Variants in MYO5B observed in about 807,000 individuals in gnomAD.
MYO5B encodes myosin VB.
Under a neutral mutation model 229.3 loss-of-function variants are expected in MYO5B, and 143 were observed. The ratio of observed to expected loss-of-function variants is 0.62; its 90% CI spans 0.54 to 0.72. MYO5B has a LOEUF of 0.72. Among genes scored for constraint, MYO5B ranks in the 30% least tolerant of loss-of-function variants. MYO5B has a pLI of 0.00. For synonymous variants in MYO5B, 918 were observed against 885.2 expected (o/e 1.04, Z -0.66); for missense variants, 2,321 against 2,331.0 (o/e 1.00, Z 0.09).
At chr18:49,990,778 T>C (rs1361219724) in intron 6 of MYO5B, among the ~76,000 whole-genome samples, 1 of 152,264 alleles carries the variant, frequency 6.6e-6, no homozygotes, top group Admixed American at 6.5e-5. Context: ...TCCTTCTATA[T>C]AGGACATCAT....
chr18:49,984,385 C>G (rs1278087804), intron 8 of MYO5B, among the ~76,000 whole-genome samples: 1 of 152,228 alleles, frequency 6.6e-6, no homozygotes, highest in African/African-American at 2.4e-5. Context: ...CACACTTGAG[C>G]CCAGACCACA....
At chr18:49,991,823 T>C (rs2025936581) in intron 6 of MYO5B, among the ~76,000 whole-genome samples, 1 of 150,882 alleles carries the variant, frequency 6.6e-6, no homozygotes, top group Middle Eastern at 3.2e-3. Flanking sequence ...TAAAGTATAA[T>C]TTTTTTTAAA....
intron 10 of MYO5B, among the ~76,000 whole-genome samples, chr18:49,968,046 A>G (rs537865954): frequency 4.7e-4 from 71 of 152,276 alleles, no homozygotes; most frequent in African/African-American, 1.6e-3. Context: ...CTCCCAACCT[A>G]ACAGCCAACT....
intron 29 of MYO5B, among the ~76,000 whole-genome samples, chr18:49,862,422 G>C (rs1008003341): frequency 2.0e-5 from 3 of 152,200 alleles, no homozygotes; most frequent in Non-Finnish European, 4.4e-5. Flanking sequence ...CCCTTACACA[G>C]GTGATAGGAG....
chr18:50,041,234 C>A lies in MYO5B; in HGVS notation c.139-920G>T, dbSNP rs573907199. Among the ~76,000 whole-genome samples the A allele has an allele frequency of 5.9e-5, 9 of 152,174 alleles. 1 individual carries two copies. In the South Asian group the frequency reaches 1.9e-3, roughly 32 times the overall value. ...GGCAACTGAAATTTAAAATACATTC[C>A]CAAGTAATTCTGATACAGGTGGCTT... On this transcript the variant is annotated intron_variant, in intron 2 of 39. Transcript: ENST00000285039.
At chr18:49,852,417 G>A (rs1488711711) in intron 31 of MYO5B, among the ~76,000 whole-genome samples, 1 of 152,220 alleles carries the variant, frequency 6.6e-6, no homozygotes, top group African/African-American at 2.4e-5. Flanking sequence ...GTGACTTGCA[G>A]ACAAAGAGAG....
At chr18:49,962,839 C>T (rs1427577641) in intron 11 of MYO5B, 110 bp downstream of exon 11, 2 of 931,606 alleles carry the variant, frequency 2.1e-6, no homozygotes, top group African/African-American at 1.6e-5. Flanking sequence ...CAAGGGATAT[C>T]AGAACGTAGC....
chr18:49,969,240 T>C (rs968907782), intron 10 of MYO5B, among the ~76,000 whole-genome samples: 1 of 152,216 alleles, frequency 6.6e-6, no homozygotes, highest in African/African-American at 2.4e-5. Flanking sequence ...CTTTCGATAC[T>C]GGCTAGAGAA....
At chr18:49,879,203 G>A in intron 23 of MYO5B, 113 bp from the exon 24 acceptor site, 1 of 1,307,092 alleles carries the variant, frequency 7.7e-7, no homozygotes, top group Non-Finnish European at 1.1e-6. Context: ...GAGCTCATCA[G>A]AGGCTCTTGA....
chr18:49,852,028 GCCCCTACTCATGA>G (rs1404818841), intron 31 of MYO5B, among the ~76,000 whole-genome samples: 1 of 152,140 alleles, frequency 6.6e-6, no homozygotes, highest in Non-Finnish European at 1.5e-5. Context: ...AGCAGCACAG[GCCCCTACTCATGA>G]CCCAGTGTCA....
At chr18:50,122,162 G>A (rs1193949623) in intron 1 of MYO5B, among the ~76,000 whole-genome samples, 1 of 152,158 alleles carries the variant, frequency 6.6e-6, no homozygotes, top group Non-Finnish European at 1.5e-5. Flanking sequence ...AGAACACTGG[G>A]CACAGATGAG....
intron 1 of MYO5B, among the ~76,000 whole-genome samples, chr18:50,144,136 C>G (rs916067309): frequency 4.6e-5 from 7 of 152,122 alleles, no homozygotes; most frequent in Admixed American, 6.5e-5. Flanking sequence ...GCCCCACCCC[C>G]CTTAGAAATA....
chr18:49,978,121 C>T (rs1206011875), intron 9 of MYO5B, among the ~76,000 whole-genome samples: 3 of 152,164 alleles, frequency 2.0e-5, no homozygotes, highest in Non-Finnish European at 4.4e-5. Flanking sequence ...AAAGGGCTGC[C>T]ACACCAGGTA....
At chr18:49,855,525 T>A (rs1485530318) in intron 30 of MYO5B, among the ~76,000 whole-genome samples, 1 of 152,212 alleles carries the variant, frequency 6.6e-6, no homozygotes, top group Non-Finnish European at 1.5e-5. Flanking sequence ...AACTACTTGG[T>A]GGGACAGAAA....
intron 8 of MYO5B, among the ~76,000 whole-genome samples, chr18:49,982,754 C>A (rs1203873426): frequency 2.6e-5 from 4 of 152,114 alleles, no homozygotes; most frequent in African/African-American, 9.7e-5. Flanking sequence ...GCCCACAAAA[C>A]TAAAAAAATT....
At chr18:49,909,049 G>GCCA (rs1214162342) in intron 18 of MYO5B, among the ~76,000 whole-genome samples, 3 of 152,142 alleles carry the variant, frequency 2.0e-5, no homozygotes, top group Non-Finnish European at 4.4e-5. Context: ...TGCCCTGCAG[G>GCCA]CCACCTTTGT....
chr18:49,944,822 C>T (rs958696124), intron 14 of MYO5B, among the ~76,000 whole-genome samples: 4 of 152,102 alleles, frequency 2.6e-5, no homozygotes, highest in Non-Finnish European at 5.9e-5. Context: ...TCGATCACCT[C>T]GAGCAAGGCA....
intron 14 of MYO5B, 110 bp from the exon 15 acceptor site, chr18:49,937,507 C>T (rs991927155): frequency 8.6e-6 from 11 of 1,280,750 alleles, no homozygotes; most frequent in African/African-American, 4.4e-5. Context: ...CACACATCCA[C>T]GCCAAAACCC....
intron 1 of MYO5B, among the ~76,000 whole-genome samples, chr18:50,122,808 AG>A (rs2032091988): frequency 6.6e-6 from 1 of 152,208 alleles, no homozygotes; most frequent in South Asian, 2.1e-4. Flanking sequence ...AAAATAAAAT[AG>A]AAAATAAGGT....
Sources: allele counts gnomAD v4.1 joint callset (sites outside exome capture counted in the v4.1 genomes callset), GRCh38; gene constraint gnomAD v4.1.1; transcripts MANE v1.5; gene names NCBI Gene and HGNC (gene_info 2026-07-23, HGNC 2026-07-21).